The following TSC22D1 variants were observed in gnomAD, a reference collection of about 807,000 sequenced individuals.
TSC22D1 encodes TSC22 domain family member 1.
In TSC22D1, 9 loss-of-function variants were observed where a neutral mutation model predicts 74.2. That is an observed-to-expected ratio of 0.12 (90% CI 0.07 to 0.21). The LOEUF (loss-of-function observed/expected upper bound fraction) is 0.21. TSC22D1 is among the 10% of genes least tolerant of loss of function. The pLI, the probability that TSC22D1 is intolerant of heterozygous loss-of-function variation, is 1.00. For missense variants in TSC22D1, 1,427 were observed against 1,304.7 expected, an observed-to-expected ratio of 1.09 and a Z score of -1.44; for synonymous variants, 586 against 492.5, an observed-to-expected ratio of 1.19 and a Z score of -2.51.
At chr13:44,562,333 G>A (rs1253076508) in intron 1 of TSC22D1, among the ~76,000 whole-genome samples, 1 of 152,066 alleles carries the variant, frequency 6.6e-6, no homozygotes, top group Non-Finnish European at 1.5e-5. Flanking sequence ...GAGCCACCAA[G>A]TCCAGACCAA....
At chr13:44,551,389 G>GGTGGGTGTGTGTGT (rs1298469090) in intron 1 of TSC22D1, among the ~76,000 whole-genome samples, 108 of 125,306 alleles carry the variant, frequency 8.6e-4, no homozygotes, top group African/African-American at 3.1e-3. Flanking sequence ...CAATCAGATG[G>GGTGGGTGTGTGTGT]GTGTGTGTGT....
At chr13:44,503,878 ATACTT>A (rs1244581792) in intron 1 of TSC22D1, among the ~76,000 whole-genome samples, 2 of 152,080 alleles carry the variant, frequency 1.3e-5, no homozygotes, top group Non-Finnish European at 2.9e-5. Context: ...AATACTTAAA[ATACTT>A]TAATATTAAA....
At chr13:44,549,665 C>T (rs1566168162) in intron 1 of TSC22D1, among the ~76,000 whole-genome samples, 3 of 150,510 alleles carry the variant, frequency 2.0e-5, no homozygotes, top group East Asian at 3.9e-4. Context: ...CTTGGAGAGG[C>T]TGAGGTGGGA....
chr13:44,545,264 G>A (rs1408151379), intron 1 of TSC22D1, among the ~76,000 whole-genome samples: 1 of 151,268 alleles, frequency 6.6e-6, no homozygotes, highest in Non-Finnish European at 1.5e-5. Flanking sequence ...GAACCCGGGA[G>A]GTGGAGGTTG....
At position 44,576,033 on chromosome 13, in the gene TSC22D1, A is replaced by AGCGGCGGCGGCC; in HGVS notation, c.30_41dup (p.Ala12_Ala15dup). On this transcript the variant is annotated inframe_insertion, in exon 1 of 3. Coordinates refer to ENST00000458659, the MANE Select transcript of TSC22D1 (RefSeq NM_183422.4). ...CCATCTTCCTAGCGCTAATGTCTGC[A>AGCGGCGGCGGCC]GCGGCGGCGGCCGCGGCGGTGGACT... 6.3e-7 allele frequency: 1 copy of AGCGGCGGCGGCC among 1,579,550 alleles called. No homozygotes were observed. The highest frequency in any genetic ancestry group is 8.6e-7 in the Non-Finnish European group (1 of 1,163,790).
chr13:44,557,469 C>T (rs1882733145), intron 1 of TSC22D1, among the ~76,000 whole-genome samples: 1 of 152,152 alleles, frequency 6.6e-6, no homozygotes, highest in Admixed American at 6.5e-5. Flanking sequence ...CAAAACAAAA[C>T]AAAACAAAAA....
At chr13:44,497,187 T>G (rs973629040) in intron 1 of TSC22D1, among the ~76,000 whole-genome samples, 9 of 152,128 alleles carry the variant, frequency 5.9e-5, no homozygotes, top group Admixed American at 5.9e-4. Context: ...CAAAATGTGG[T>G]AAATATATAC....
rs1364768065 is a variant in TSC22D1 at position 44,573,708 on chromosome 13, A to T, written c.2367T>A (p.Val789=). Residue 789 remains valine (V), a synonymous_variant, in exon 1 of 3, where the codon GTT becomes GTA. Transcript: ENST00000458659. ...TSAPSLPQQL[V]IASQSSLLTV... is the part of the protein sequence containing the mutation. The stretch of plus-strand genomic sequence containing the variant: ...TTAACAAGGAACTTTGGGATGCAAT[A>T]ACCAATTGTTGAGGAAGGCTTGGAG... 2 of 1,614,214 alleles carry T rather than the reference A, an allele frequency of 1.2e-6. No homozygotes were observed. The highest frequency in any genetic ancestry group is 1.7e-6 in the Non-Finnish European group (2 of 1,180,038).
chr13:44,438,714 TCCAAC>T (rs1313321354), intron 1 of TSC22D1, among the ~76,000 whole-genome samples: 1 of 151,820 alleles, frequency 6.6e-6, no homozygotes, highest in Non-Finnish European at 1.5e-5. Flanking sequence ...GATACCCATT[TCCAAC>T]AAAAGGAGAC....
At chr13:44,533,141 C>T (rs988582549) in intron 1 of TSC22D1, among the ~76,000 whole-genome samples, 27 of 151,986 alleles carry the variant, frequency 1.8e-4, no homozygotes, top group Admixed American at 1.5e-3. Flanking sequence ...GGCATGGGAG[C>T]GGGGGCCAGG....
Position 44,538,477 on chromosome 13 carries a change from T to G in TSC22D1, c.2912+34686A>C, listed in dbSNP as rs1436671934. The stretch of plus-strand genomic sequence containing the variant: ...CTTCCTCTACTACTTAAAAAAATGT[T>G]TGCCTACTTCATTAAGGTGATTTTC... On this transcript the variant is annotated intron_variant, in intron 1 of 2. Coordinates refer to ENST00000458659, the MANE Select transcript of TSC22D1 (RefSeq NM_183422.4). 14 of 985,300 alleles carry G rather than the reference T, an allele frequency of 1.4e-5. No homozygotes were observed. In the Admixed American group the frequency reaches 8.6e-4, roughly 61 times the overall value. 61.0% of individuals were successfully genotyped at this position (985,300 alleles called of 1,614,324 possible). A position where few individuals can be genotyped will look rare whatever the true frequency, so the allele number is the denominator to read the frequency against.
Position 44,574,765 on chromosome 13 carries a change from G to T in TSC22D1, c.1310C>A (p.Pro437His). The change falls in exon 1 of 3, where the codon CCT becomes CAT. Residue 437 changes from proline to histidine, a missense_variant. Physicochemically the swap from Pro to His is moderately conservative, Grantham distance 77. Transcript: ENST00000458659. Reference protein sequence around the residue: ...TEFYEKENAVPATEGVLINKV... With the variant: ...TEFYEKENAVHATEGVLINKV... ...ATTTATCAGCACACCTTCTGTAGCA[G>T]GTACAGCATTTTCTTTTTCATAGAA... The T allele has an allele frequency of 6.2e-7, 1 of 1,614,080 alleles. No homozygotes were observed. The highest frequency in any genetic ancestry group is 8.5e-7 in the Non-Finnish European group (1 of 1,180,034).
intron 2 of TSC22D1, chr13:44,435,690 T>G (rs1874534625): frequency 3.2e-6 from 1 of 312,016 alleles, no homozygotes; most frequent in African/African-American, 2.2e-5. Flanking sequence ...AGTAAAATAT[T>G]AGGATTCCTA....
chr13:44,517,849 ATATATATATTTTTTTTTTTT>A lies in TSC22D1; in HGVS notation c.2912+55294_2912+55313del, dbSNP rs1566149889. Among the ~76,000 whole-genome samples the A allele has an allele frequency of 1.4e-3, 31 of 22,790 alleles. 2 individuals carry two copies. The South Asian group carries it at 0.018, about 14-fold the overall frequency. 15.0% of individuals were successfully genotyped at this position (22,790 alleles called of 152,430 possible). A position where few individuals can be genotyped will look rare whatever the true frequency, so the allele number is the denominator to read the frequency against. ...TGTGTGTATATATATATATATATAT[ATATATATATTTTTTTTTTTT>A]TTTTTTTTTTAACAAGGTCTCACTG... On this transcript the variant is annotated intron_variant, in intron 1 of 2. Transcript: ENST00000458659.
Position 44,434,586 on chromosome 13 carries a change from A to G in TSC22D1, c.*40T>C. The G allele has an allele frequency of 6.6e-7, 1 of 1,507,562 alleles. No individual in the cohort carries two copies. Among genetic ancestry groups the G allele is most frequent in the Non-Finnish European group, 8.8e-7 (1 of 1,130,986 alleles). The allele number at this position is 1,507,562 out of a possible 1,614,324, so 93.4% of individuals were successfully genotyped here. On this transcript the variant is annotated 3_prime_UTR_variant, in exon 3 of 3. Transcript: ENST00000458659. The stretch of plus-strand genomic sequence containing the variant: ...CCTAGCACATCTTCTCCGTCTGTTC[A>G]GTTCACACGCAGCAGCCAGTTCTGC...
intron 1 of TSC22D1, among the ~76,000 whole-genome samples, chr13:44,451,014 G>T (rs1595086411): frequency 6.6e-6 from 1 of 152,158 alleles, no homozygotes; most frequent in African/African-American, 2.4e-5. Context: ...CCTTGAATGG[G>T]AGAGTAGCCT....
intron 1 of TSC22D1, among the ~76,000 whole-genome samples, chr13:44,550,921 C>T (rs1388661492): frequency 2.0e-5 from 3 of 150,804 alleles, no homozygotes; most frequent in African/African-American, 7.3e-5. Flanking sequence ...GCCTGGGTGA[C>T]AAAGTGAGAT....
intron 1 of TSC22D1, chr13:44,538,323 G>A (rs1881270372): frequency 5.1e-6 from 5 of 985,228 alleles, no homozygotes; most frequent in Middle Eastern, 5.2e-4. Flanking sequence ...CAAGACCAGC[G>A]AAGATGAGCT....
At chr13:44,539,191 C>A (rs1348074071) in intron 1 of TSC22D1, 1 of 985,098 alleles carries the variant, frequency 1.0e-6, no homozygotes, top group Non-Finnish European at 1.2e-6. Context: ...ATACTGTATC[C>A]TGAAACTTAC....
Sources: allele counts gnomAD v4.1 joint callset (sites outside exome capture counted in the v4.1 genomes callset), GRCh38; gene constraint gnomAD v4.1.1; transcripts MANE v1.5; gene names NCBI Gene and HGNC (gene_info 2026-07-23, HGNC 2026-07-21).